Variants in SYT16 observed in about 807,000 individuals in gnomAD.
The protein encoded by SYT16 is synaptotagmin-16.
Under a neutral mutation model 61.4 loss-of-function variants are expected in SYT16, and 42 were observed. The ratio of observed to expected loss-of-function variants is 0.68; its 90% confidence interval spans 0.53 to 0.89. The LOEUF (loss-of-function observed/expected upper bound fraction) is 0.89. Among genes scored for constraint, SYT16 ranks in the 40% least tolerant of loss-of-function variants. The pLI is 0.00. For missense variants in SYT16, 804 were observed against 807.3 expected, an observed-to-expected ratio of 1.00 and a Z score of 0.05; for synonymous variants, 314 against 302.3, an observed-to-expected ratio of 1.04 and a Z score of -0.40.
chr14:61,983,001 T>G (rs1490396370), intron 2 of SYT16, among the ~76,000 whole-genome samples: 1 of 152,152 alleles, frequency 6.6e-6, no homozygotes, highest in East Asian at 1.9e-4. Context: ...TATTACACTT[T>G]AAAGAGATAT....
At chr14:62,097,304 TA>T (rs2057302711) in intron 7 of SYT16, among the ~76,000 whole-genome samples, 1 of 152,174 alleles carries the variant, frequency 6.6e-6, no homozygotes, top group South Asian at 2.1e-4. Flanking sequence ...TCTGAGTTAC[TA>T]AAGATACTAT....
At chr14:61,981,299 C>G (rs550832822) in intron 2 of SYT16, among the ~76,000 whole-genome samples, 1 of 152,288 alleles carries the variant, frequency 6.6e-6, no homozygotes, top group South Asian at 2.1e-4. Context: ...GACCAAATAT[C>G]TGGGCACCAT....
chr14:61,934,880 G>A lies in SYT16; in HGVS notation c.-324-35252G>A, dbSNP rs188765212. The stretch of plus-strand genomic sequence containing the variant: ...GTGGACTTGCAATACACTTCCCAGA[G>A]TTTAAAACTTTGTGGCTTGGGTACA... On this transcript the variant is annotated intron_variant, in intron 1 of 7. Coordinates refer to ENST00000683842, the MANE Select transcript of SYT16 (RefSeq NM_001367656.1). Among the ~76,000 whole-genome samples the A allele has an allele frequency of 1.8e-4, 28 of 152,278 alleles. 1 individual carries two copies. Among genetic ancestry groups the A allele is most frequent in the African/African-American group, 6.0e-4 (25 of 41,560 alleles).
chr14:61,884,112 A>G (rs1372463139), intron 1 of SYT16, among the ~76,000 whole-genome samples: 1 of 152,218 alleles, frequency 6.6e-6, no homozygotes, highest in Non-Finnish European at 1.5e-5. Context: ...CCACTCCTGT[A>G]TCCTCTACAA....
Position 61,929,868 on chromosome 14 carries a change from G to A in SYT16, c.-324-40264G>A, listed in dbSNP as rs77835182. ...TAAAACTGAAAGAGTGGGCAAGACC[G>A]CTGAAATAGAGTGTAGCCTTTGCAT... is the stretch of plus-strand genomic sequence containing the variant. On this transcript the variant is annotated intron_variant, in intron 1 of 7. Coordinates refer to ENST00000683842, the MANE Select transcript of SYT16 (RefSeq NM_001367656.1). 4.9e-3 allele frequency among the ~76,000 whole-genome samples: 743 copies of A among 152,268 alleles called. 5 individuals are homozygous for A. Among genetic ancestry groups the A allele is most frequent in the Non-Finnish European group, 7.7e-3 (521 of 68,018 alleles).
At chr14:62,026,483 T>G (rs2054107726) in intron 3 of SYT16, among the ~76,000 whole-genome samples, 1 of 152,186 alleles carries the variant, frequency 6.6e-6, no homozygotes, top group South Asian at 2.1e-4. Context: ...GTGAGCTCAC[T>G]ATGTGAAGCC....
chr14:61,817,452 C>G (rs948126249), intron 1 of SYT16, among the ~76,000 whole-genome samples: 1 of 150,598 alleles, frequency 6.6e-6, no homozygotes, highest in Non-Finnish European at 1.5e-5. Flanking sequence ...ATGGGACAAA[C>G]TGATATCCTG....
At chr14:61,899,634 T>C (rs1046823740) in intron 1 of SYT16, among the ~76,000 whole-genome samples, 1 of 152,168 alleles carries the variant, frequency 6.6e-6, no homozygotes, top group Non-Finnish European at 1.5e-5. Context: ...TTTGAAAGAA[T>C]CAGATGACTG....
chr14:62,012,441 G>A (rs191305254), intron 3 of SYT16, among the ~76,000 whole-genome samples: 23 of 152,308 alleles, frequency 1.5e-4, no homozygotes, highest in African/African-American at 5.5e-4. Flanking sequence ...CATCAAGCTA[G>A]AGTCTGATAG....
intron 3 of SYT16, among the ~76,000 whole-genome samples, chr14:62,057,086 A>G (rs2055596671): frequency 6.6e-6 from 1 of 152,212 alleles, no homozygotes; most frequent in Non-Finnish European, 1.5e-5. Flanking sequence ...CCAGGAGCCC[A>G]GTTCTGCCTG....
At chr14:62,082,003 T>G (rs948310876) in intron 6 of SYT16, among the ~76,000 whole-genome samples, 2 of 152,216 alleles carry the variant, frequency 1.3e-5, no homozygotes, top group Non-Finnish European at 2.9e-5. Flanking sequence ...CTTGGAGAGC[T>G]TGCAGTCTAG....
chr14:61,874,370 G>A (rs2047421605), intron 1 of SYT16, among the ~76,000 whole-genome samples: 1 of 152,154 alleles, frequency 6.6e-6, no homozygotes, highest in East Asian at 1.9e-4. Context: ...CTGGAGGGCC[G>A]ACTTTTTGTA....
At position 61,996,183 on chromosome 14, in the gene SYT16, AG is replaced by A; in HGVS notation, c.166del (p.Asp56ThrfsTer2). Reference sequence around the variant, plus strand: ...TCTAAATTGAGTGACAAACTAGATCAGGACTTAGATAATATTCAGATTCAGG... The same window carrying A: ...TCTAAATTGAGTGACAAACTAGATCAGACTTAGATAATATTCAGATTCAGG... ...QDSKLSDKLDQDLDNIQIQET... is the reference protein window; with the variant it reads ...QDSKLSDKLDXDLDNIQIQET... On this transcript the variant is annotated frameshift_variant, in exon 3 of 8. Coordinates refer to ENST00000683842, the MANE Select transcript of SYT16 (RefSeq NM_001367656.1). LOFTEE classifies it high-confidence loss of function. The A allele has an allele frequency of 6.2e-7, 1 of 1,613,522 alleles. No individual in the cohort carries two copies. Among genetic ancestry groups the A allele is most frequent in the South Asian group, 1.1e-5 (1 of 91,070 alleles).
chr14:61,996,187 C>T lies in SYT16; in HGVS notation c.168C>T (p.Asp56=). ...DSKLSDKLDQ[D]LDNIQIQETY... is the part of the protein sequence containing the mutation. The stretch of plus-strand genomic sequence containing the variant: ...AATTGAGTGACAAACTAGATCAGGA[C>T]TTAGATAATATTCAGATTCAGGAAA... Residue 56 remains aspartate (D), a synonymous_variant, in exon 3 of 8, where the codon GAC becomes GAT. Coordinates refer to ENST00000683842, the MANE Select transcript of SYT16 (RefSeq NM_001367656.1). 1 of 1,613,422 alleles carries T rather than the reference C, an allele frequency of 6.2e-7. No individual in the cohort carries two copies. Among genetic ancestry groups the T allele is most frequent in the Non-Finnish European group, 8.5e-7 (1 of 1,179,582 alleles).
At chr14:61,938,168 C>A (rs904615465) in intron 1 of SYT16, among the ~76,000 whole-genome samples, 1 of 151,994 alleles carries the variant, frequency 6.6e-6, no homozygotes, top group African/African-American at 2.4e-5. Flanking sequence ...AAATGAGATA[C>A]GCAAACAGGG....
chr14:61,839,569 G>A (rs979852053), intron 1 of SYT16, among the ~76,000 whole-genome samples: 6 of 152,158 alleles, frequency 3.9e-5, no homozygotes, highest in Admixed American at 3.9e-4. Flanking sequence ...AGAGTGAGGT[G>A]CAGTACATTC....
intron 1 of SYT16, among the ~76,000 whole-genome samples, chr14:61,910,585 CA>C (rs2048896735): frequency 6.7e-6 from 1 of 149,450 alleles, no homozygotes; most frequent in African/African-American, 2.5e-5. Flanking sequence ...GGCTGGAGTA[CA>C]GTGGCATGAT....
Position 62,065,296 on chromosome 14 carries a change from G to A in SYT16, c.524-4307G>A, listed in dbSNP as rs533471518. Among the ~76,000 whole-genome samples the A allele has an allele frequency of 3.9e-5, 6 of 152,244 alleles. No homozygotes were observed. The South Asian group carries it at 1.2e-3, about 32-fold the overall frequency. On this transcript the variant is annotated intron_variant, in intron 3 of 7. Transcript: ENST00000683842. ...ACTTTGGTAATGTCTTAAATTTGTTGCCTTATGACAAGTTACTTAACTTTT... is the reference window on the plus strand; with the variant it reads ...ACTTTGGTAATGTCTTAAATTTGTTACCTTATGACAAGTTACTTAACTTTT...
intron 3 of SYT16, among the ~76,000 whole-genome samples, chr14:62,046,704 A>G (rs1363035049): frequency 6.6e-6 from 1 of 152,212 alleles, no homozygotes; most frequent in Non-Finnish European, 1.5e-5. Flanking sequence ...CATTTATTAA[A>G]TAGGGAATCC....
Sources: gnomAD v4.1 joint callset for allele counts (sites outside exome capture counted in the v4.1 genomes callset) on GRCh38, gnomAD v4.1.1 for gene constraint, MANE v1.5 for transcripts, NCBI Gene and HGNC (gene_info 2026-07-23, HGNC 2026-07-21) for gene names.